The following RBBP7 variants were observed in gnomAD, a reference collection of about 807,000 sequenced individuals.
RBBP7 encodes histone-binding protein RBBP7.
Under a neutral mutation model 35.2 loss-of-function variants are expected in RBBP7, and 5 were observed. That is an observed-to-expected ratio of 0.14 (90% confidence interval 0.07 to 0.30). The LOEUF (loss-of-function observed/expected upper bound fraction) is 0.30. RBBP7 is among the 10% of genes least tolerant of loss of function. The pLI is 1.00. For synonymous variants in RBBP7, 140 were observed against 118.7 expected, an observed-to-expected ratio of 1.18 and a Z score of -1.17; for missense variants, 155 against 327.5, an observed-to-expected ratio of 0.47 and a Z score of 4.07.
intron 3 of RBBP7, 25 bp downstream of exon 3, chrX:16,862,930 A>C (rs1205807586): frequency 8.4e-7 from 1 of 1,194,884 alleles, no homozygotes; most frequent in African/African-American, 1.8e-5. Context: ...TTTGACACCA[A>C]TATTGGAATA....
At chrX:16,849,712 C>G (rs1018447813) in intron 9 of RBBP7, among the ~76,000 whole-genome samples, 1 of 111,828 alleles carries the variant, frequency 8.9e-6, no homozygotes, top group Non-Finnish European at 1.9e-5. Flanking sequence ...AACTCAAAAT[C>G]CCTTCATTAA....
intron 4 of RBBP7, among the ~76,000 whole-genome samples, chrX:16,858,352 C>T (rs1258919659): frequency 8.9e-6 from 1 of 111,911 alleles, no homozygotes; most frequent in African/African-American, 3.3e-5. Context: ...CTATGGTTTG[C>T]TGCTAGAGAC....
intron 1 of RBBP7, 73 bp downstream of exon 1, chrX:16,869,965 G>A (rs1278314074): frequency 6.7e-6 from 5 of 748,958 alleles, no homozygotes; most frequent in Admixed American, 8.9e-5. Context: ...GCCTTTCGCC[G>A]GCGCGTGCCG....
intron 5 of RBBP7, among the ~76,000 whole-genome samples, chrX:16,854,985 GTTTT>G (rs150641871): frequency 3.2e-5 from 3 of 93,908 alleles, no homozygotes; most frequent in Non-Finnish European, 6.3e-5. Context: ...ACTGGTATGG[GTTTT>G]TTTTTTTTTT....
intron 3 of RBBP7, among the ~76,000 whole-genome samples, chrX:16,859,281 A>C (rs926646661): frequency 8.9e-5 from 10 of 112,392 alleles, no homozygotes; most frequent in African/African-American, 3.2e-4. Flanking sequence ...AACCCTCCAC[A>C]GTATGAACAC....
At chrX:16,861,719 G>A (rs1456897912) in intron 3 of RBBP7, among the ~76,000 whole-genome samples, 1 of 111,465 alleles carries the variant, frequency 9.0e-6, no homozygotes, top group Non-Finnish European at 1.9e-5. Context: ...AAGCCATTTG[G>A]GACTGTGAAG....
At chrX:16,865,250 C>T (rs1930586639) in intron 2 of RBBP7, among the ~76,000 whole-genome samples, 1 of 109,831 alleles carries the variant, frequency 9.1e-6, no homozygotes, top group South Asian at 3.8e-4. Context: ...AAACAAAAAA[C>T]AAAAATTTAA....
chrX:16,869,602 G>A lies in RBBP7; in HGVS notation c.17-382C>T. 4 of 1,164,558 alleles carry A rather than the reference G, an allele frequency of 3.4e-6. No homozygotes were observed. In the East Asian group the frequency reaches 9.8e-5, roughly 29 times the overall value. On this transcript the variant is annotated intron_variant, in intron 1 of 11. Transcript: ENST00000380087. ...GCCTGGTCTCTCCAATCCCCATCAGGGGAGGCCCCAGCTCCCACGACGCCC... is the reference window on the plus strand; with the variant it reads ...GCCTGGTCTCTCCAATCCCCATCAGAGGAGGCCCCAGCTCCCACGACGCCC...
In RBBP7 at chrX:16,870,089, G is replaced by C. The variant is rs748299210; in HGVS notation, c.-36C>G. The C allele has an allele frequency of 4.7e-6, 5 of 1,075,027 alleles. No individual in the cohort carries two copies. The highest frequency in any genetic ancestry group is 6.1e-6 in the Non-Finnish European group (5 of 818,236). The allele number at this position is 1,075,027 out of a possible 1,213,427, so 88.6% of individuals were successfully genotyped here. On this transcript the variant is annotated 5_prime_UTR_variant, in exon 1 of 12. Transcript: ENST00000380087. ...GTCGTTCGCCCCTCGCCGCCGCCTCGGACTCCTCTCGTTAGCCAAGAGCAG... is the reference window on the plus strand; with the variant it reads ...GTCGTTCGCCCCTCGCCGCCGCCTCCGACTCCTCTCGTTAGCCAAGAGCAG...
rs1458531282 is a variant in RBBP7, at chrX:16,869,781, G to C, written c.16+257C>G. 1.1e-5 allele frequency: 10 copies of C among 940,512 alleles called. No homozygotes were observed. In the South Asian group the frequency reaches 4.3e-4, roughly 41 times the overall value. The allele number at this position is 940,512 out of a possible 1,213,427, so 77.5% of individuals were successfully genotyped here. The stretch of plus-strand genomic sequence containing the variant: ...CGCCCCGGGGCCGAGGGCGCCGGAG[G>C]GAGCGCAGCCGCTGGAGGAGGGAAG... On this transcript the variant is annotated intron_variant, in intron 1 of 11. Coordinates refer to ENST00000380087, the MANE Select transcript of RBBP7 (RefSeq NM_002893.4).
intron 5 of RBBP7, among the ~76,000 whole-genome samples, chrX:16,854,056 T>C (rs1930283567): frequency 9.1e-6 from 1 of 110,385 alleles, no homozygotes; most frequent in Admixed American, 9.7e-5. Flanking sequence ...ATTTTTTTTG[T>C]ATTTTTAGTA....
chrX:16,861,830 CAG>C (rs774575506), intron 3 of RBBP7, among the ~76,000 whole-genome samples: 19 of 111,939 alleles, frequency 1.7e-4, no homozygotes, highest in Non-Finnish European at 3.2e-4. Flanking sequence ...ACATGCACCT[CAG>C]AATGTTCTTT....
At chrX:16,862,745 C>T in intron 3 of RBBP7, among the ~76,000 whole-genome samples, 1 of 111,503 alleles carries the variant, frequency 9.0e-6, no homozygotes, top group Non-Finnish European at 1.9e-5. Flanking sequence ...TTTCTATGAA[C>T]CAACATCTGG....
At chrX:16,864,007 C>T (rs1339418299) in intron 2 of RBBP7, among the ~76,000 whole-genome samples, 3 of 109,928 alleles carry the variant, frequency 2.7e-5, no homozygotes, top group Non-Finnish European at 5.7e-5. Flanking sequence ...TTCTAAATTT[C>T]AGCTGCACAA....
Position 16,869,316 on chromosome X carries a change from T to C in RBBP7, c.17-96A>G, listed in dbSNP as rs944121479. ...CAAGATGGCCACACCTCATGTACTC[T>C]TTCCTTTTACCTCTAATTTGGACAC... On this transcript the variant is annotated intron_variant, in intron 1 of 11. Transcript: ENST00000380087. 9.2e-6 allele frequency: 10 copies of C among 1,084,766 alleles called. No homozygotes were observed. The African/African-American group carries it at 9.3e-5, about 10-fold the overall frequency. 89.4% of individuals were successfully genotyped at this position (1,084,766 alleles called of 1,213,427 possible).
At chrX:16,862,068 C>T (rs1006809110) in intron 3 of RBBP7, among the ~76,000 whole-genome samples, 2 of 111,579 alleles carry the variant, frequency 1.8e-5, no homozygotes, top group African/African-American at 6.5e-5. Context: ...CCTCAGACCC[C>T]AAGACCCAAA....
chrX:16,867,599 T>C (rs1223743926), intron 2 of RBBP7, among the ~76,000 whole-genome samples: 10 of 111,747 alleles, frequency 8.9e-5, no homozygotes, highest in South Asian at 3.7e-4. Flanking sequence ...CCTATCTGTA[T>C]AGAAATCAAT....
At chrX:16,860,493 C>T (rs975093069) in intron 3 of RBBP7, among the ~76,000 whole-genome samples, 8 of 108,594 alleles carry the variant, frequency 7.4e-5, no homozygotes, top group African/African-American at 2.7e-4. Flanking sequence ...GCAAGACCAT[C>T]CTGGCTAACA....
At chrX:16,846,021 T>C in intron 10 of RBBP7, 83 bp from the exon 11 acceptor site, 4 of 1,130,581 alleles carry the variant, frequency 3.5e-6, no homozygotes, top group Non-Finnish European at 4.7e-6. Flanking sequence ...TTTAGAGCTA[T>C]CAGTATTTCA....
Sources: allele counts gnomAD v4.1 joint callset (sites outside exome capture counted in the v4.1 genomes callset), GRCh38; gene constraint gnomAD v4.1.1; transcripts MANE v1.5; gene names NCBI Gene and HGNC (gene_info 2026-07-23, HGNC 2026-07-21).